MXRA7: variants seen among roughly 807,000 people sequenced by gnomAD.
MXRA7 encodes the protein matrix remodeling associated 7, also known as matrix-remodeling-associated protein 7.
Under a neutral mutation model 17.4 loss-of-function variants are expected in MXRA7, and 18 were observed. The ratio of observed to expected loss-of-function variants is 1.03; its 90% CI spans 0.71 to 1.53. MXRA7 has a LOEUF of 1.53. Among genes scored for constraint, MXRA7 ranks in the 40% most tolerant of loss-of-function variants. The pLI is 0.00. For synonymous variants in MXRA7, 70 were observed against 101.7 expected (o/e 0.69, Z 1.87); for missense variants, 141 against 209.3 (o/e 0.67, Z 2.01).
chr17:76,685,485 C>G (rs1419476137), intron 2 of MXRA7, among the ~76,000 whole-genome samples: 1 of 152,194 alleles, frequency 6.6e-6, no homozygotes, highest in African/African-American at 2.4e-5. Flanking sequence ...AGCTCAGAGG[C>G]GACAACTCCG....
chr17:76,706,225 A>ACG (rs1184866792), intron 1 of MXRA7, among the ~76,000 whole-genome samples: 11 of 113,898 alleles, frequency 9.7e-5, no homozygotes, highest in African/African-American at 3.1e-4. Context: ...ACAAAGGCCC[A>ACG]CTCTGCCGTC....
intron 1 of MXRA7, 98 bp from the exon 2 acceptor site, chr17:76,688,274 G>T (rs780808295): frequency 6.4e-7 from 1 of 1,553,478 alleles, no homozygotes; most frequent in African/African-American, 1.3e-5. Context: ...GGCCCTCGAA[G>T]GTCCAGCCTG....
intron 1 of MXRA7, among the ~76,000 whole-genome samples, chr17:76,700,755 C>T (rs542316391): frequency 1.3e-5 from 2 of 152,314 alleles, no homozygotes; most frequent in South Asian, 4.1e-4. Flanking sequence ...AAAAGATGAC[C>T]TCAGACCGGA....
intron 2 of MXRA7, 86 bp from the exon 3 acceptor site, chr17:76,685,251 GA>G: frequency 1.0e-6 from 1 of 958,454 alleles, no homozygotes; most frequent in Non-Finnish European, 1.7e-6. Context: ...GGTTTAAAAA[GA>G]AACACCTCAA....
Position 76,681,027 on chromosome 17 carries a change from T to C in MXRA7, c.501-148A>G, listed in dbSNP as rs181018672. On this transcript the variant is annotated intron_variant, in intron 3 of 3. Transcript: ENST00000449428. This position sits in a 1 kb window ranked among gnomAD's most constrained non-coding sequence, Gnocchi z 4.7. ...AGACTCTGGTTTCTCAAACCACTGC[T>C]GATTTGCTTCTCATCGCTTGCAGCA... The C allele has an allele frequency of 5.6e-6, 4 of 713,380 alleles. No homozygotes were observed. The highest frequency in any genetic ancestry group is 9.6e-6 in the Non-Finnish European group (4 of 416,128). 44.2% of individuals were successfully genotyped at this position (713,380 alleles called of 1,614,324 possible). A position where few individuals can be genotyped will look rare whatever the true frequency, so the allele number is the denominator to read the frequency against.
At chr17:76,674,718 C>T (rs1045966579), downstream of MXRA7, 3 of 152,270 alleles carry the variant, frequency 2.0e-5, no homozygotes, top group Non-Finnish European at 4.4e-5. Flanking sequence ...CAGCCCCAGG[C>T]TCCAGGGGTC....
chr17:76,685,822 A>G (rs1402288245), intron 2 of MXRA7, among the ~76,000 whole-genome samples: 1 of 152,214 alleles, frequency 6.6e-6, no homozygotes. Context: ...CCTGGAGTGG[A>G]CACAGGCTCC....
At chr17:76,677,937 C>T (rs976930297), downstream of MXRA7, among the ~76,000 whole-genome samples, 2 of 152,146 alleles carry the variant, frequency 1.3e-5, no homozygotes, top group African/African-American at 2.4e-5. Context: ...TCAGGTTTGC[C>T]GGGGAGGTTT....
At chr17:76,677,080 G>T (rs1641631076), downstream of MXRA7, 1 of 153,828 alleles carries the variant, frequency 6.5e-6, no homozygotes, top group Admixed American at 6.5e-5. Context: ...ATCACCTGAG[G>T]TCAGGAGTTC....
Position 76,710,690 on chromosome 17 carries a change from G to A in MXRA7, c.257C>T (p.Pro86Leu). The A allele has an allele frequency of 3.2e-6, 4 of 1,245,874 alleles. No individual in the cohort carries two copies. Among genetic ancestry groups the A allele is most frequent in the Non-Finnish European group, 4.1e-6 (4 of 985,886 alleles). 77.2% of individuals were successfully genotyped at this position (1,245,874 alleles called of 1,614,324 possible). Residue 86 changes from proline (P) to leucine (L), a missense_variant, in exon 1 of 4, where the codon CCT (proline) becomes CTT (leucine). This residue lies in a region of MXRA7 where 72 missense variants were observed against 111.9 expected (regional missense o/e 0.64). Transcript: ENST00000449428. ...EPAGLGELGE[P>L]AGPGEPEGPG... is the part of the protein sequence containing the mutation. ...CCCTTCGGGCTCCCCCGGTCCCGCA[G>A]GCTCCCCGAGCTCCCCCAGCCCCGC...
chr17:76,695,762 TG>T (rs1195495533), intron 1 of MXRA7, among the ~76,000 whole-genome samples: 19 of 152,016 alleles, frequency 1.2e-4, no homozygotes, highest in African/African-American at 4.1e-4. Context: ...TCTACAGACT[TG>T]GGTATGATTG....
At chr17:76,698,134 A>T (rs967630094) in intron 1 of MXRA7, among the ~76,000 whole-genome samples, 6 of 152,124 alleles carry the variant, frequency 3.9e-5, no homozygotes, top group African/African-American at 1.4e-4. Context: ...ACTTTAGAGG[A>T]CAGCGGCTCC....
At chr17:76,706,847 A>T (rs1378539200) in intron 1 of MXRA7, among the ~76,000 whole-genome samples, 1 of 152,226 alleles carries the variant, frequency 6.6e-6, no homozygotes, top group Non-Finnish European at 1.5e-5. Context: ...AGTTGAAATA[A>T]TAATACAATG....
At chr17:76,692,494 C>T (rs906044701) in intron 1 of MXRA7, among the ~76,000 whole-genome samples, 1 of 152,022 alleles carries the variant, frequency 6.6e-6, no homozygotes, top group African/African-American at 2.4e-5. Context: ...CTCAGGTGAT[C>T]CGCCCGTCTC....
Position 76,710,596 on chromosome 17 carries a change from G to A in MXRA7, c.342+9C>T, listed in dbSNP as rs1044640416. On this transcript the variant is annotated intron_variant, in intron 1 of 3. Coordinates refer to ENST00000449428, the MANE Select transcript of MXRA7 (RefSeq NM_198530.4). ...GTGGGGAGGGGGCCGCGAGGGCCCCGGTGCGTACCTGCCTCGCCTCCACCG... is the reference window on the plus strand; with the variant it reads ...GTGGGGAGGGGGCCGCGAGGGCCCCAGTGCGTACCTGCCTCGCCTCCACCG... 2.2e-6 allele frequency: 3 copies of A among 1,350,474 alleles called. No homozygotes were observed. The highest frequency in any genetic ancestry group is 1.9e-6 in the Non-Finnish European group (2 of 1,047,222). 83.7% of individuals were successfully genotyped at this position (1,350,474 alleles called of 1,614,324 possible). A position where few individuals can be genotyped will look rare whatever the true frequency, so the allele number is the denominator to read the frequency against.
intron 1 of MXRA7, among the ~76,000 whole-genome samples, chr17:76,706,212 A>ACAGAGGCCCACTCTGCCG (rs1567990768): frequency 1.8e-4 from 8 of 43,938 alleles, no homozygotes; most frequent in Non-Finnish European, 3.4e-4. Flanking sequence ...CCACGCTGCC[A>ACAGAGGCCCACTCTGCCG]TCACAAAGGC....
intron 3 of MXRA7, among the ~76,000 whole-genome samples, chr17:76,682,653 A>G (rs2076321938): frequency 6.6e-6 from 1 of 152,024 alleles, no homozygotes; most frequent in Non-Finnish European, 1.5e-5. Context: ...TGCGAGGGGC[A>G]ACCACATGCA....
At chr17:76,682,108 C>A (rs2076313636) in intron 3 of MXRA7, among the ~76,000 whole-genome samples, 1 of 152,248 alleles carries the variant, frequency 6.6e-6, no homozygotes, top group African/African-American at 2.4e-5. Flanking sequence ...AAGGATGAGA[C>A]TGACCACTTC....
Position 76,681,392 on chromosome 17 carries a change from T to C in MXRA7, c.501-513A>G, listed in dbSNP as rs1471132932. 6.6e-6 allele frequency among the ~76,000 whole-genome samples: 1 copy of C among 151,206 alleles called. No homozygotes were observed. The highest frequency in any genetic ancestry group is 1.9e-4 in the East Asian group (1 of 5,164). ...CTGGGACCACTGAGAACCCAGCAGGTCTGATCTTGTCCCTCTGACGCCCTC... is the reference window on the plus strand; with the variant it reads ...CTGGGACCACTGAGAACCCAGCAGGCCTGATCTTGTCCCTCTGACGCCCTC... On this transcript the variant is annotated intron_variant, in intron 3 of 3. Coordinates refer to ENST00000449428, the MANE Select transcript of MXRA7 (RefSeq NM_198530.4). This position sits in a 1 kb window ranked among gnomAD's most constrained non-coding sequence, Gnocchi z 4.7.
Sources: allele counts gnomAD v4.1 joint callset (sites outside exome capture counted in the v4.1 genomes callset), GRCh38; gene constraint gnomAD v4.1.1; regional missense constraint gnomAD v4.1.1; non-coding constraint Gnocchi (gnomAD v3.1); transcripts MANE v1.5; gene names NCBI Gene and HGNC (gene_info 2026-07-23, HGNC 2026-07-21).